Variants in EPM2A observed in about 807,000 individuals in gnomAD.
The protein encoded by EPM2A is laforin.
A neutral mutation model predicts 26.5 loss-of-function variants in EPM2A; 21 were observed. The ratio of observed to expected loss-of-function variants is 0.79; its 90% CI spans 0.56 to 1.14. EPM2A has a LOEUF of 1.14. Ranked by LOEUF, EPM2A falls within the 50% of genes most tolerant of loss-of-function variation. The probability of loss-of-function intolerance (pLI) is 0.00; values close to 1 mark genes in which losing one functional copy is unlikely to be tolerated. For missense variants in EPM2A, 458 were observed against 440.8 expected (o/e 1.04, Z -0.35); for synonymous variants, 217 against 177.6 (o/e 1.22, Z -1.76).
At chr6:145,419,187 C>CCG (rs940189233) in intron 4 of EPM2A, among the ~76,000 whole-genome samples, 1 of 150,464 alleles carries the variant, frequency 6.6e-6, no homozygotes, top group East Asian at 2.0e-4. Flanking sequence ...ATGTCCCCCC[C>CCG]CCCCGCTCCT....
At chr6:145,467,759 T>A (rs1417304658) in intron 4 of EPM2A, among the ~76,000 whole-genome samples, 1 of 152,110 alleles carries the variant, frequency 6.6e-6, no homozygotes, top group African/African-American at 2.4e-5. Flanking sequence ...TTTAGGCTGA[T>A]TTATATATCC....
In EPM2A at chr6:145,535,800, T is replaced by C. The variant is rs1426520104; in HGVS notation, c.341-33225A>G. On this transcript the variant is annotated intron_variant, in intron 2 of 3. Transcript: ENST00000450221. ...GTTGTTTATAGTTTCAATTGGTGTT[T>C]GCTTCTTCTGATAATGCTCTTGGTA... Among the ~76,000 whole-genome samples, 7 of 152,262 alleles carry C rather than the reference T, an allele frequency of 4.6e-5. No individual in the cohort carries two copies. In the East Asian group the frequency reaches 1.3e-3, roughly 29 times the overall value.
intron 2 of EPM2A, among the ~76,000 whole-genome samples, chr6:145,513,280 T>C (rs577106694): frequency 3.2e-4 from 49 of 152,202 alleles, no homozygotes; most frequent in African/African-American, 1.2e-3. Context: ...GAAATATAAG[T>C]GGCCAACCAC....
chr6:145,492,850 G>C (rs1026797556), intron 4 of EPM2A, among the ~76,000 whole-genome samples: 8 of 152,178 alleles, frequency 5.3e-5, no homozygotes, highest in Admixed American at 5.2e-4. Flanking sequence ...ATGGGCACAG[G>C]ATTGGGGGCA....
rs533776876 is a variant in EPM2A, at chr6:145,413,239, G to A, written c.556-29142C>T. 4.6e-5 allele frequency among the ~76,000 whole-genome samples: 7 copies of A among 152,258 alleles called. No homozygotes were observed. The South Asian group carries it at 6.2e-4, about 14-fold the overall frequency. ...GTCTTGAAAGTCGTGGAGAAACTTC[G>A]TAAAAATGTAGTTGCCTGGTTATAT... On this transcript the variant is annotated intron_variant, in intron 4 of 4. Coordinates refer to the EPM2A transcript ENST00000638717.
chr6:145,499,758 A>G (rs451349), downstream of EPM2A, among the ~76,000 whole-genome samples: 68,466 of 152,132 alleles, frequency 0.45, 15,456 homozygotes, highest in South Asian at 0.58. Context: ...ATAATACTCC[A>G]CAGAGAAAAC....
Position 145,735,191 on chromosome 6 carries a change from G to T in EPM2A, c.301+7C>A. 6.7e-7 allele frequency: 1 copy of T among 1,501,934 alleles called. No individual in the cohort carries two copies. 93.0% of individuals were successfully genotyped at this position (1,501,934 alleles called of 1,614,324 possible). On this transcript the variant is annotated splice_region_variant and intron_variant, in intron 1 of 3. Coordinates refer to ENST00000367519, the MANE Select transcript of EPM2A (RefSeq NM_005670.4). ...CTGCGCCGGGGGCAGGCGTCTGCTGGCAATACCTTCCCAGGAGAGCTCTCC... is the reference window on the plus strand; with the variant it reads ...CTGCGCCGGGGGCAGGCGTCTGCTGTCAATACCTTCCCAGGAGAGCTCTCC...
At chr6:145,567,026 A>G (rs1444957295) in intron 2 of EPM2A, among the ~76,000 whole-genome samples, 1 of 152,216 alleles carries the variant, frequency 6.6e-6, no homozygotes, top group Non-Finnish European at 1.5e-5. Flanking sequence ...GTCATTTATG[A>G]GTTAACACTC....
At chr6:145,518,166 T>C (rs751456583) in intron 2 of EPM2A, among the ~76,000 whole-genome samples, 16 of 152,218 alleles carry the variant, frequency 1.1e-4, no homozygotes, top group Non-Finnish European at 2.1e-4. Context: ...TTTACTTGCC[T>C]ACATATAATG....
intron 2 of EPM2A, among the ~76,000 whole-genome samples, chr6:145,587,058 C>G (rs1381276405): frequency 2.0e-5 from 3 of 152,128 alleles, no homozygotes; most frequent in African/African-American, 7.2e-5. Flanking sequence ...AACTCTTATC[C>G]TCTTGAAATA....
chr6:145,594,932 A>G (rs1781321582), intron 2 of EPM2A, among the ~76,000 whole-genome samples: 1 of 151,516 alleles, frequency 6.6e-6, no homozygotes, highest in African/African-American at 2.4e-5. Flanking sequence ...CTTCTGTAAC[A>G]TTTGTCTTTT....
Position 145,625,934 on chromosome 6 carries a change from G to T in EPM2A, c.*1482C>A. The T allele has an allele frequency of 1.5e-6, 2 of 1,345,958 alleles. No homozygotes were observed. Among genetic ancestry groups the T allele is most frequent in the South Asian group, 1.6e-5 (1 of 61,120 alleles). The allele number at this position is 1,345,958 out of a possible 1,614,324, so 83.4% of individuals were successfully genotyped here. On this transcript the variant is annotated 3_prime_UTR_variant, in exon 4 of 4. Transcript: ENST00000367519. Reference sequence around the variant, plus strand: ...GTTTAATTAGGAAAGTAAGGGCTTTGAATCAAACCCAGCTTTGTATCTCAC... The same window carrying T: ...GTTTAATTAGGAAAGTAAGGGCTTTTAATCAAACCCAGCTTTGTATCTCAC...
At chr6:145,466,147 T>C (rs558884272) in intron 4 of EPM2A, among the ~76,000 whole-genome samples, 3 of 146,684 alleles carry the variant, frequency 2.0e-5, no homozygotes, top group African/African-American at 5.1e-5. Context: ...TGGGATCTAA[T>C]TAAACTCAAG....
chr6:145,405,811 C>T (rs1778559868), intron 4 of EPM2A, among the ~76,000 whole-genome samples: 2 of 152,076 alleles, frequency 1.3e-5, no homozygotes, highest in African/African-American at 2.4e-5. Flanking sequence ...CAGGACATCA[C>T]CATTGTTGGT....
chr6:145,660,450 A>G (rs1289680713), intron 2 of EPM2A, among the ~76,000 whole-genome samples: 1 of 152,196 alleles, frequency 6.6e-6, no homozygotes, highest in African/African-American at 2.4e-5. Context: ...AGGAGACACT[A>G]AGCCTTGTTT....
intron 2 of EPM2A, among the ~76,000 whole-genome samples, chr6:145,562,579 C>A (rs887679349): frequency 6.6e-6 from 1 of 152,208 alleles, no homozygotes; most frequent in Admixed American, 6.5e-5. Context: ...CTGGACCAGA[C>A]TGAAAGGAAA....
chr6:145,436,632 A>G (rs1465642751), intron 4 of EPM2A, among the ~76,000 whole-genome samples: 2 of 152,024 alleles, frequency 1.3e-5, no homozygotes, highest in Non-Finnish European at 2.9e-5. Flanking sequence ...GGCTGTTGGT[A>G]TATTTTCTAT....
intron 4 of EPM2A, among the ~76,000 whole-genome samples, chr6:145,463,819 T>C (rs914343552): frequency 6.6e-6 from 1 of 152,112 alleles, no homozygotes; most frequent in Admixed American, 6.6e-5. Flanking sequence ...TTTGTTAGAT[T>C]CTGAAATTTT....
At chr6:145,496,004 C>G (rs2114745807) in intron 4 of EPM2A, among the ~76,000 whole-genome samples, 1 of 152,248 alleles carries the variant, frequency 6.6e-6, no homozygotes, top group East Asian at 1.9e-4. Context: ...TGGTGCTTAT[C>G]AACTCTCTCA....
Sources: gnomAD v4.1 joint callset for allele counts (sites outside exome capture counted in the v4.1 genomes callset) on GRCh38, gnomAD v4.1.1 for gene constraint, MANE v1.5 for transcripts, NCBI Gene and HGNC (gene_info 2026-07-23, HGNC 2026-07-21) for gene names.